KIF2A: variants seen among roughly 807,000 people sequenced by gnomAD.
KIF2A encodes kinesin family member 2A, also known as kinesin-like protein KIF2A.
KIF2A carries 22 observed loss-of-function variants against 100.2 expected under a neutral mutation model. The ratio of observed to expected loss-of-function variants is 0.22; its 90% CI spans 0.16 to 0.31. KIF2A has a LOEUF of 0.31. Among genes scored for constraint, KIF2A ranks in the 10% least tolerant of loss-of-function variants. KIF2A has a pLI of 1.00. For synonymous variants in KIF2A, 268 were observed against 285.9 expected (o/e 0.94, Z 0.63); for missense variants, 495 against 898.7 (o/e 0.55, Z 5.74).
chr5:62,340,102 A>T (rs1033447179), intron 1 of KIF2A, among the ~76,000 whole-genome samples: 3 of 151,742 alleles, frequency 2.0e-5, no homozygotes, highest in Non-Finnish European at 2.9e-5. Flanking sequence ...TGCCCAGCTA[A>T]TTTTTTGTGT....
Position 62,388,809 on chromosome 5 carries a change from A to G in KIF2A, c.*3240A>G, listed in dbSNP as rs1742156981. On this transcript the variant is annotated 3_prime_UTR_variant, in exon 21 of 21. Transcript: ENST00000407818. ...ATTATTATGAATAGATTGGACCAGC[A>G]TTATATATTAAAAACTTTGATACTT... is the stretch of plus-strand genomic sequence containing the variant. The G allele has an allele frequency of 6.7e-6, 4 of 597,288 alleles. No homozygotes were observed. The highest frequency in any genetic ancestry group is 9.0e-6 in the Non-Finnish European group (3 of 332,916). The allele number at this position is 597,288 out of a possible 1,614,324, so 37.0% of individuals were successfully genotyped here. A position where few individuals can be genotyped will look rare whatever the true frequency, so the allele number is the denominator to read the frequency against.
At chr5:62,358,734 G>A (rs759788712) in intron 9 of KIF2A, among the ~76,000 whole-genome samples, 2 of 152,146 alleles carry the variant, frequency 1.3e-5, no homozygotes, top group African/African-American at 2.4e-5. Context: ...GCAGTGGCAC[G>A]ATCACAGCTC....
rs938904867 is a variant in KIF2A at position 62,379,189 on chromosome 5, G to A, written c.2013+1427G>A. 9.2e-5 allele frequency among the ~76,000 whole-genome samples: 14 copies of A among 152,246 alleles called. 1 individual carries two copies. Among genetic ancestry groups the A allele is most frequent in the Middle Eastern group, 3.4e-3 (1 of 294 alleles). ...TATAAAGACCATCATTTCCCACTCT[G>A]CCATTTTTTAGATAAAATCTTACAG... On this transcript the variant is annotated intron_variant, in intron 19 of 20. Transcript: ENST00000407818.
chr5:62,317,877 T>G lies in KIF2A; in HGVS notation c.64+11341T>G, dbSNP rs369547124. ...TGGCTCTGTAATTTGACAAAGACAT[T>G]CTAGTTTTCTCCAGTCTCTTTTGCT... On this transcript the variant is annotated intron_variant, in intron 1 of 20. Coordinates refer to ENST00000407818, the MANE Select transcript of KIF2A (RefSeq NM_001098511.3). 3.9e-5 allele frequency among the ~76,000 whole-genome samples: 6 copies of G among 152,180 alleles called. No individual in the cohort carries two copies. In the East Asian group the frequency reaches 7.7e-4, roughly 20 times the overall value.
intron 1 of KIF2A, among the ~76,000 whole-genome samples, chr5:62,336,652 G>A (rs1278811320): frequency 6.6e-6 from 1 of 152,330 alleles, no homozygotes; most frequent in Middle Eastern, 3.4e-3. Flanking sequence ...TTCTGGGAAA[G>A]AAATGTGTAG....
rs140969697 is a variant in KIF2A, at chr5:62,345,589, G to A, written c.65-1541G>A. ...AAGGCAGGTGGATTCCCTGAGCCCAGGAGTTTGAGACCAGCCTTGGCAACA... is the reference window on the plus strand; with the variant it reads ...AAGGCAGGTGGATTCCCTGAGCCCAAGAGTTTGAGACCAGCCTTGGCAACA... On this transcript the variant is annotated intron_variant, in intron 1 of 20. Transcript: ENST00000407818. 6.8e-3 allele frequency among the ~76,000 whole-genome samples: 1,033 copies of A among 152,260 alleles called. 12 individuals carry two copies. Among genetic ancestry groups the A allele is most frequent in the African/African-American group, 0.023 (967 of 41,550 alleles).
At chr5:62,361,017 A>G (rs561745513) in intron 9 of KIF2A, among the ~76,000 whole-genome samples, 2 of 152,272 alleles carry the variant, frequency 1.3e-5, no homozygotes, top group African/African-American at 4.8e-5. Context: ...TTATGGAAAT[A>G]TTGCTTGAAA....
At chr5:62,380,993 T>G in intron 19 of KIF2A, 125 bp from the exon 20 acceptor site, 1 of 711,654 alleles carries the variant, frequency 1.4e-6, no homozygotes, top group Non-Finnish European at 2.3e-6. Context: ...AATAAAGATG[T>G]TTTATGTCTA....
chr5:62,339,931 T>C (rs1019987854), intron 1 of KIF2A, among the ~76,000 whole-genome samples: 2 of 148,856 alleles, frequency 1.3e-5, no homozygotes, highest in Non-Finnish European at 3.0e-5. Flanking sequence ...GTAGTTACTT[T>C]TAGTACTTTT....
At chr5:62,372,316 T>C (rs1198243213) in intron 16 of KIF2A, 122 bp from the exon 17 acceptor site, 7 of 649,830 alleles carry the variant, frequency 1.1e-5, no homozygotes, top group Non-Finnish European at 1.9e-5. Flanking sequence ...TCTAAATACA[T>C]TGTCACAACA....
chr5:62,306,420 T>A lies in KIF2A; in HGVS notation c.-53T>A. 1.4e-6 allele frequency: 2 copies of A among 1,393,228 alleles called. No homozygotes were observed. The highest frequency in any genetic ancestry group is 2.0e-6 in the Non-Finnish European group (2 of 1,012,768). The allele number at this position is 1,393,228 out of a possible 1,614,324, so 86.3% of individuals were successfully genotyped here. On this transcript the variant is annotated 5_prime_UTR_variant, in exon 1 of 21. Transcript: ENST00000407818. ...CCTACCCCGCCCCCTCCCCGCCTTT[T>A]CCGCCCTCCGGTCCCCCTCCCTCGG...
intron 1 of KIF2A, among the ~76,000 whole-genome samples, chr5:62,340,689 TC>T (rs1418982764): frequency 6.6e-6 from 1 of 152,216 alleles, no homozygotes; most frequent in African/African-American, 2.4e-5. Flanking sequence ...GAAAAATTTT[TC>T]ATGTATCTTA....
In KIF2A at chr5:62,310,069, TC is replaced by T. The variant is rs1184709794; in HGVS notation, c.64+3534del. Among the ~76,000 whole-genome samples, 444 of 133,536 alleles carry T rather than the reference TC, an allele frequency of 3.3e-3. 9 individuals are homozygous for T. The highest frequency in any genetic ancestry group is 8.3e-3 in the African/African-American group (267 of 32,292). The allele number at this position is 133,536 out of a possible 152,430, so 87.6% of individuals were successfully genotyped here. ...ATGGGACTTACTAATAACTAATAAT[TC>T]TTTTTTTTTTTTTTTTTGAGACAGA... On this transcript the variant is annotated intron_variant, in intron 1 of 20. Transcript: ENST00000407818.
Position 62,348,108 on chromosome 5 carries a change from C to T in KIF2A, c.220C>T (p.Pro74Ser). Residue 74 changes from proline (P) to serine (S), a missense_variant, in exon 3 of 21, where the codon CCC becomes TCC. This residue lies in a region of KIF2A where 115 missense variants were observed against 143.6 expected (regional missense o/e 0.80). Transcript: ENST00000407818. ...CCTTGTTCCTGATGAAGAAATTGAACCCAGTCCAGAAACACCTCCACCTCC... is the reference window on the plus strand; with the variant it reads ...CCTTGTTCCTGATGAAGAAATTGAATCCAGTCCAGAAACACCTCCACCTCC... ...PDLVPDEEIEPSPETPPPPAS... is the reference protein window; with the variant it reads ...PDLVPDEEIESSPETPPPPAS... The T allele has an allele frequency of 6.2e-7, 1 of 1,613,692 alleles. No individual in the cohort carries two copies. Among genetic ancestry groups the T allele is most frequent in the South Asian group, 1.1e-5 (1 of 91,080 alleles).
chr5:62,322,906 T>A (rs1580008396), intron 1 of KIF2A, among the ~76,000 whole-genome samples: 5 of 105,388 alleles, frequency 4.7e-5, no homozygotes, highest in South Asian at 3.0e-4. Flanking sequence ...TACTTTAAAA[T>A]AGATTAGTGG....
intron 1 of KIF2A, chr5:62,308,652 G>A (rs1166320137): frequency 1.6e-5 from 11 of 675,624 alleles, no homozygotes; most frequent in Non-Finnish European, 2.4e-5. Flanking sequence ...AGGACGTTAT[G>A]TTAAATGAGA....
rs77366020 is a variant in KIF2A at position 62,363,988 on chromosome 5, C to T, written c.1467+89C>T. The T allele has an allele frequency of 0.011, 11,535 of 1,016,390 alleles. 697 individuals are homozygous for T. In the African/African-American group the frequency reaches 0.15, roughly 13 times the overall value. The allele number at this position is 1,016,390 out of a possible 1,614,324, so 63.0% of individuals were successfully genotyped here. On this transcript the variant is annotated intron_variant, in intron 14 of 20. Transcript: ENST00000407818. ...TTGCAAAATAGTAGTACTTGTTTTA[C>T]CTAATAAAAAGAGGTTTTCAAAATT...
At chr5:62,337,826 A>T (rs1408548924) in intron 1 of KIF2A, among the ~76,000 whole-genome samples, 2 of 152,108 alleles carry the variant, frequency 1.3e-5, no homozygotes, top group Non-Finnish European at 2.9e-5. Context: ...AAAAAAAAAA[A>T]AAGTAGCTTT....
chr5:62,376,724 GTTTT>G (rs147819410), intron 18 of KIF2A, among the ~76,000 whole-genome samples: 1 of 151,270 alleles, frequency 6.6e-6, no homozygotes, highest in Admixed American at 6.6e-5. Context: ...CCCAGCCGAA[GTTTT>G]TTTTTGTTTT....
Sources: allele counts gnomAD v4.1 joint callset (sites outside exome capture counted in the v4.1 genomes callset), GRCh38; gene constraint gnomAD v4.1.1; regional missense constraint gnomAD v4.1.1; transcripts MANE v1.5; gene names NCBI Gene and HGNC (gene_info 2026-07-23, HGNC 2026-07-21).